Variants in SEMA3C observed in about 807,000 individuals in gnomAD.
The protein encoded by SEMA3C is semaphorin-3C.
A neutral mutation model predicts 89.4 loss-of-function variants in SEMA3C; 47 were observed. The observed-to-expected ratio is 0.53, with a 90% CI of 0.42 to 0.67. SEMA3C has a LOEUF of 0.67. Ranked by LOEUF, SEMA3C falls within the 30% of genes least tolerant of loss-of-function variation. The pLI is 0.00. For synonymous variants in SEMA3C, 310 were observed against 320.2 expected, an observed-to-expected ratio of 0.97 and a Z score of 0.34; for missense variants, 839 against 929.1, an observed-to-expected ratio of 0.90 and a Z score of 1.26.
intron 12 of SEMA3C, among the ~76,000 whole-genome samples, chr7:80,773,274 T>C (rs1364347143): frequency 1.3e-5 from 2 of 152,156 alleles, no homozygotes; most frequent in Non-Finnish European, 1.5e-5. Context: ...AGAATTTTCA[T>C]ATGTTTTGAA....
intron 11 of SEMA3C, among the ~76,000 whole-genome samples, chr7:80,793,107 T>G (rs1434983138): frequency 6.6e-6 from 1 of 152,228 alleles, no homozygotes; most frequent in Non-Finnish European, 1.5e-5. Flanking sequence ...AACTTCTCCT[T>G]TAAATGTTTT....
At chr7:80,879,845 A>C (rs922302984) in intron 2 of SEMA3C, among the ~76,000 whole-genome samples, 4 of 152,166 alleles carry the variant, frequency 2.6e-5, no homozygotes, top group Admixed American at 6.5e-5. Context: ...CAAGTGACCA[A>C]ACCTCTTCAG....
chr7:80,790,372 G>C (rs1218296144), intron 11 of SEMA3C, among the ~76,000 whole-genome samples: 3 of 151,416 alleles, frequency 2.0e-5, no homozygotes, highest in African/African-American at 7.3e-5. Context: ...AAGAAGAGAA[G>C]AAGAAGAAGG....
chr7:80,917,325 A>C (rs571098141), intron 1 of SEMA3C, among the ~76,000 whole-genome samples: 154 of 152,310 alleles, frequency 1.0e-3, no homozygotes, highest in African/African-American at 3.4e-3. Context: ...GTTTCCTTAC[A>C]TAAATCTATG....
chr7:80,877,769 G>A (rs945967562), intron 2 of SEMA3C, among the ~76,000 whole-genome samples: 11 of 152,188 alleles, frequency 7.2e-5, no homozygotes, highest in Middle Eastern at 3.4e-3. Context: ...ATTGTAATAA[G>A]GATTTTATAT....
At chr7:80,748,102 T>C (rs1463521260) in intron 17 of SEMA3C, among the ~76,000 whole-genome samples, 1 of 152,154 alleles carries the variant, frequency 6.6e-6, no homozygotes, top group Non-Finnish European at 1.5e-5. Context: ...CACTTCCCCC[T>C]TGGCTCCATC....
At chr7:80,871,274 C>T (rs1422407871) in intron 2 of SEMA3C, among the ~76,000 whole-genome samples, 1 of 152,174 alleles carries the variant, frequency 6.6e-6, no homozygotes, top group African/African-American at 2.4e-5. Context: ...TTCCTCTAAC[C>T]TTCAGTACAA....
chr7:80,848,023 C>T (rs1231270927), intron 2 of SEMA3C, among the ~76,000 whole-genome samples: 1 of 152,184 alleles, frequency 6.6e-6, no homozygotes, highest in African/African-American at 2.4e-5. Flanking sequence ...GTATAATATG[C>T]TGCTCCTTCT....
intron 13 of SEMA3C, among the ~76,000 whole-genome samples, chr7:80,762,191 T>C (rs2117054406): frequency 6.6e-6 from 1 of 151,372 alleles, no homozygotes; most frequent in South Asian, 2.1e-4. Flanking sequence ...ATTTTTGGAA[T>C]ATTCAATCCG....
At chr7:80,897,947 T>C (rs189268970) in intron 2 of SEMA3C, among the ~76,000 whole-genome samples, 1 of 152,362 alleles carries the variant, frequency 6.6e-6, no homozygotes, top group Non-Finnish European at 1.5e-5. Flanking sequence ...TCTTTGTAGT[T>C]AGAGCCTGGC....
At chr7:80,802,377 T>C (rs1327883004) in intron 9 of SEMA3C, among the ~76,000 whole-genome samples, 2 of 152,094 alleles carry the variant, frequency 1.3e-5, no homozygotes, top group African/African-American at 4.8e-5. Context: ...AACACAAACA[T>C]ATCATTACCT....
chr7:80,880,249 T>C (rs1791301754), intron 2 of SEMA3C, among the ~76,000 whole-genome samples: 1 of 152,214 alleles, frequency 6.6e-6, no homozygotes, highest in Non-Finnish European at 1.5e-5. Flanking sequence ...ACCATTAACC[T>C]ACTCTGTGTT....
At chr7:80,816,487 G>A (rs1411232160) in intron 5 of SEMA3C, among the ~76,000 whole-genome samples, 1 of 152,106 alleles carries the variant, frequency 6.6e-6, no homozygotes, top group Non-Finnish European at 1.5e-5. Flanking sequence ...GCATCACGTG[G>A]TCATTTTATG....
intron 2 of SEMA3C, among the ~76,000 whole-genome samples, chr7:80,910,666 T>A (rs1584002555): frequency 6.6e-6 from 1 of 152,120 alleles, no homozygotes; most frequent in East Asian, 1.9e-4. Context: ...TTTTTTTTTT[T>A]TTTTTAACAG....
chr7:80,907,464 C>T (rs893298461), intron 2 of SEMA3C, among the ~76,000 whole-genome samples: 3 of 152,034 alleles, frequency 2.0e-5, no homozygotes, highest in South Asian at 2.1e-4. Context: ...TTGAGCATTA[C>T]TGTTCAGGAG....
At chr7:80,815,171 G>A (rs547113487) in intron 5 of SEMA3C, among the ~76,000 whole-genome samples, 1 of 152,094 alleles carries the variant, frequency 6.6e-6, no homozygotes, top group African/African-American at 2.4e-5. Flanking sequence ...ATAGAGAGTA[G>A]GTGGTGAAAA....
In SEMA3C at chr7:80,918,997, AG is replaced by A; in HGVS notation, c.-209del. The A allele has an allele frequency of 1.0e-6, 1 of 985,368 alleles. No homozygotes were observed. The highest frequency in any genetic ancestry group is 1.7e-5 in the African/African-American group (1 of 57,366). 61.0% of individuals were successfully genotyped at this position (985,368 alleles called of 1,614,324 possible). ...CTTTGTAAAGGAATCTCAGCGCTGCAGTGCCGCGGCACCCGGAGCTCTTCTC... is the reference window on the plus strand; with the variant it reads ...CTTTGTAAAGGAATCTCAGCGCTGCATGCCGCGGCACCCGGAGCTCTTCTC... On this transcript the variant is annotated 5_prime_UTR_variant, in exon 1 of 18. It adds an upstream start codon to the 5' untranslated region. Transcript: ENST00000265361.
rs1787712032 is a variant in SEMA3C, at chr7:80,742,817, C to T, written c.*2077G>A. 6.6e-6 allele frequency: 1 copy of T among 151,838 alleles called. No homozygotes were observed. Among genetic ancestry groups the T allele is most frequent in the African/African-American group, 2.4e-5 (1 of 41,386 alleles). The allele number at this position is 151,838 out of a possible 1,614,324, so 9.4% of individuals were successfully genotyped here. ...ATCAACCACCAGTAGTATACATTAA[C>T]AGCATTTTTGAAAAAAAATTTTCTT... is the stretch of plus-strand genomic sequence containing the variant. On this transcript the variant is annotated 3_prime_UTR_variant, in exon 18 of 18. Transcript: ENST00000265361.
At chr7:80,871,469 T>C (rs1471158781) in intron 2 of SEMA3C, among the ~76,000 whole-genome samples, 1 of 152,214 alleles carries the variant, frequency 6.6e-6, no homozygotes, top group African/African-American at 2.4e-5. Context: ...AATTTATTGA[T>C]TTGCTTATTC....
Sources: gnomAD v4.1 joint callset for allele counts (sites outside exome capture counted in the v4.1 genomes callset) on GRCh38, gnomAD v4.1.1 for gene constraint, MANE v1.5 for transcripts, NCBI Gene and HGNC (gene_info 2026-07-23, HGNC 2026-07-21) for gene names.